The following RPS19BP1 variants were observed in gnomAD, a reference collection of about 807,000 sequenced individuals.
RPS19BP1 encodes the protein ribosomal protein S19 binding protein 1.
A neutral mutation model predicts 16.6 loss-of-function variants in RPS19BP1; 14 were observed. That is an observed-to-expected ratio of 0.84 (90% confidence interval 0.56 to 1.32). The LOEUF (loss-of-function observed/expected upper bound fraction) is 1.32. Among genes scored for constraint, RPS19BP1 ranks in the 40% most tolerant of loss-of-function variants. RPS19BP1 has a pLI of 0.00. For synonymous variants in RPS19BP1, 90 were observed against 77.3 expected, an observed-to-expected ratio of 1.16 and a Z score of -0.86; for missense variants, 188 against 178.6, an observed-to-expected ratio of 1.05 and a Z score of -0.30.
rs545106689 is a variant in RPS19BP1 at position 39,529,263 on chromosome 22, T to C, written c.*229A>G. On this transcript the variant is annotated 3_prime_UTR_variant, in exon 4 of 4. Transcript: ENST00000334678. ...GTTCCTTTCCGGCAGGTGCAGATGC[T>C]CTGCCCAGGCCTGCGGAAGCCAGCT... 1 of 592,226 alleles carries C rather than the reference T, an allele frequency of 1.7e-6. No individual in the cohort carries two copies. Among genetic ancestry groups the C allele is most frequent in the Non-Finnish European group, 2.9e-6 (1 of 340,020 alleles). 36.7% of individuals were successfully genotyped at this position (592,226 alleles called of 1,614,324 possible).
chr22:39,529,858 T>C lies in RPS19BP1; in HGVS notation c.241A>G (p.Arg81Gly). ...GACTCAGCCACGGTGCTTCTCGTCC[T>C]GGTCAGAAACTTCAGGTTTACTCTG... The part of the protein sequence containing the change: ...HLRVNLKFLT[R>G]TRSTVAESVS... Residue 81 changes from arginine to glycine, a missense_variant, in exon 3 of 4, where the codon AGG becomes GGG. Arg to Gly is a moderately radical substitution (Grantham distance 125, BLOSUM62 -2). Transcript: ENST00000334678. The C allele has an allele frequency of 6.2e-7, 1 of 1,614,204 alleles. No individual in the cohort carries two copies. The highest frequency in any genetic ancestry group is 8.5e-7 in the Non-Finnish European group (1 of 1,180,026).
At chr22:39,530,423 AAC>A (rs1196219404) in intron 2 of RPS19BP1, 2 of 222,872 alleles carry the variant, frequency 9.0e-6, no homozygotes, top group Non-Finnish European at 1.9e-5. Flanking sequence ...GTGTTTGAAA[AAC>A]ACAAAACAGC....
At position 39,529,843 on chromosome 22, in the gene RPS19BP1, C is replaced by T. The variant is rs773848665; in HGVS notation, c.256G>A (p.Val86Met). 3.1e-6 allele frequency: 5 copies of T among 1,614,170 alleles called. No homozygotes were observed. Among genetic ancestry groups the T allele is most frequent in the South Asian group, 1.1e-5 (1 of 91,086 alleles). The change falls in exon 3 of 4, where the codon GTG becomes ATG. Residue 86 changes from valine to methionine, a missense_variant. By Grantham distance (21) the Val-to-Met change is conservative. Transcript: ENST00000334678. ...LKFLTRTRST[V>M]AESVSQQILR... ...ACCTGCTGGCTCACAGACTCAGCCA[C>T]GGTGCTTCTCGTCCTGGTCAGAAAC...
chr22:39,529,288 T>C lies in RPS19BP1; in HGVS notation c.*204A>G. On this transcript the variant is annotated 3_prime_UTR_variant, in exon 4 of 4. Transcript: ENST00000334678. ...TCTGCCCAGGCCTGCGGAAGCCAGC[T>C]CCGGTCTGTGTGTAAATCCTCCCCA... 1 of 656,692 alleles carries C rather than the reference T, an allele frequency of 1.5e-6. No individual in the cohort carries two copies. The highest frequency in any genetic ancestry group is 2.6e-6 in the Non-Finnish European group (1 of 390,636). 40.7% of individuals were successfully genotyped at this position (656,692 alleles called of 1,614,324 possible).
Position 39,529,111 on chromosome 22 carries a change from T to C in RPS19BP1, c.*381A>G. On this transcript the variant is annotated 3_prime_UTR_variant, in exon 4 of 4. Transcript: ENST00000334678. Reference sequence around the variant, plus strand: ...ACACAGCTCTTGGGTTCACATTTATTGTAACTTGGAAGCCCACCCTTCTTC... The same window carrying C: ...ACACAGCTCTTGGGTTCACATTTATCGTAACTTGGAAGCCCACCCTTCTTC... 3.9e-6 allele frequency: 1 copy of C among 256,524 alleles called. No homozygotes were observed. The highest frequency in any genetic ancestry group is 3.8e-5 in the South Asian group (1 of 26,002). The allele number at this position is 256,524 out of a possible 1,614,324, so 15.9% of individuals were successfully genotyped here. A position where few individuals can be genotyped will look rare whatever the true frequency, so the allele number is the denominator to read the frequency against.
At chr22:39,531,418 G>GT (rs1405701825) in intron 2 of RPS19BP1, 1 of 152,144 alleles carries the variant, frequency 6.6e-6, no homozygotes, top group East Asian at 1.9e-4. Context: ...TTCAGACACA[G>GT]TAAGAGCTTG....
rs1931262061 is a variant in RPS19BP1, at chr22:39,529,911, T to C, written c.188A>G (p.Tyr63Cys). The change falls in exon 3 of 4, where the codon TAC (tyrosine) becomes TGC (cysteine). Residue 63 changes from tyrosine (Y) to cysteine (C), a missense_variant. Physicochemically the swap from Tyr to Cys is radical, Grantham distance 194. Coordinates refer to ENST00000334678, the MANE Select transcript of RPS19BP1 (RefSeq NM_194326.4). ...GKVPKSALDE[Y>C]RKRECRDHLR... ...GTGGTCTCGACACTCTCGCTTCCGG[T>C]ACTCGTCTGTGGGTAGCAGGCAGGG... 1.9e-6 allele frequency: 3 copies of C among 1,613,932 alleles called. No individual in the cohort carries two copies. The highest frequency in any genetic ancestry group is 2.2e-5 in the South Asian group (2 of 91,074).
In RPS19BP1 at chr22:39,529,376, G is replaced by T. The variant is rs2145770206; in HGVS notation, c.*116C>A. On this transcript the variant is annotated 3_prime_UTR_variant, in exon 4 of 4. Transcript: ENST00000334678. Reference sequence around the variant, plus strand: ...CGGCTCAGCTCCGCGGCTTCCTCGAGCCAGGCTGGTCCTGCATCGCCATCT... The same window carrying T: ...CGGCTCAGCTCCGCGGCTTCCTCGATCCAGGCTGGTCCTGCATCGCCATCT... 2 of 1,410,000 alleles carry T rather than the reference G, an allele frequency of 1.4e-6. No individual in the cohort carries two copies. The highest frequency in any genetic ancestry group is 1.9e-6 in the Non-Finnish European group (2 of 1,036,556). 87.3% of individuals were successfully genotyped at this position (1,410,000 alleles called of 1,614,324 possible). A position where few individuals can be genotyped will look rare whatever the true frequency, so the allele number is the denominator to read the frequency against.
At chr22:39,532,044 C>G in intron 2 of RPS19BP1, 1 of 285,064 alleles carries the variant, frequency 3.5e-6, no homozygotes, top group Non-Finnish European at 6.7e-6. Context: ...CACTCTTATA[C>G]ATCCTTCAGC....
At chr22:39,532,553 G>C (rs78842026) in intron 1 of RPS19BP1, 30 bp from the exon 2 acceptor site, 2 of 1,612,822 alleles carry the variant, frequency 1.2e-6, no homozygotes, top group South Asian at 2.2e-5. Flanking sequence ...AAGAGACCCA[G>C]GTCAGAGGGC....
Position 39,529,906 on chromosome 22 carries a change from T to G in RPS19BP1, c.193A>C (p.Lys65Gln). Residue 65 changes from lysine to glutamine, a missense_variant, in exon 3 of 4, where the codon AAG becomes CAG. Physicochemically the swap from Lys to Gln is moderately conservative, Grantham distance 53. Transcript: ENST00000334678. ...VPKSALDEYR[K>Q]RECRDHLRVN... ...CTGAGGTGGTCTCGACACTCTCGCT[T>G]CCGGTACTCGTCTGTGGGTAGCAGG... 6.2e-7 allele frequency: 1 copy of G among 1,614,134 alleles called. No homozygotes were observed. Among genetic ancestry groups the G allele is most frequent in the Non-Finnish European group, 8.5e-7 (1 of 1,179,964 alleles).
At chr22:39,531,136 G>A (rs1931301030) in intron 2 of RPS19BP1, 1 of 152,282 alleles carries the variant, frequency 6.6e-6, no homozygotes, top group African/African-American at 2.4e-5. Context: ...CACCAAGGCT[G>A]CGGACAAGCC....
Position 39,529,272 on chromosome 22 carries a change from G to T in RPS19BP1, c.*220C>A. 1 of 612,438 alleles carries T rather than the reference G, an allele frequency of 1.6e-6. No homozygotes were observed. The highest frequency in any genetic ancestry group is 2.8e-6 in the Non-Finnish European group (1 of 353,828). The allele number at this position is 612,438 out of a possible 1,614,324, so 37.9% of individuals were successfully genotyped here. A position where few individuals can be genotyped will look rare whatever the true frequency, so the allele number is the denominator to read the frequency against. On this transcript the variant is annotated 3_prime_UTR_variant, in exon 4 of 4. Transcript: ENST00000334678. ...CGGCAGGTGCAGATGCTCTGCCCAG[G>T]CCTGCGGAAGCCAGCTCCGGTCTGT... is the stretch of plus-strand genomic sequence containing the variant.
rs774918800 is a variant in RPS19BP1 at position 39,529,473 on chromosome 22, A to G, written c.*19T>C. ...GGCTGCAGGGCTTGAAGGCCTCTTC[A>G]CCGTGCCCTCCAGGGAGCCTAGCTG... On this transcript the variant is annotated 3_prime_UTR_variant, in exon 4 of 4. Transcript: ENST00000334678. 51 of 1,613,642 alleles carry G rather than the reference A, an allele frequency of 3.2e-5. No individual in the cohort carries two copies. Among genetic ancestry groups the G allele is most frequent in the Non-Finnish European group, 4.1e-5 (48 of 1,179,900 alleles).
chr22:39,529,938 G>A (rs1931262826), intron 2 of RPS19BP1, 21 bp from the exon 3 acceptor site: 2 of 1,598,196 alleles, frequency 1.3e-6, no homozygotes, highest in African/African-American at 1.3e-5. Flanking sequence ...CAGGCAGGGA[G>A]CACCATTTCA....
chr22:39,529,119 G>A lies in RPS19BP1; in HGVS notation c.*373C>T, dbSNP rs76009111. ...CTTGGGTTCACATTTATTGTAACTT[G>A]GAAGCCCACCCTTCTTCCTACTCCT... On this transcript the variant is annotated 3_prime_UTR_variant, in exon 4 of 4. Coordinates refer to ENST00000334678, the MANE Select transcript of RPS19BP1 (RefSeq NM_194326.4). The A allele has an allele frequency of 0.014, 3,734 of 261,604 alleles. 151 individuals are homozygous for A. Among genetic ancestry groups the A allele is most frequent in the African/African-American group, 0.081 (3,550 of 43,646 alleles). 16.2% of individuals were successfully genotyped at this position (261,604 alleles called of 1,614,324 possible).
chr22:39,529,918 C>T lies in RPS19BP1; in HGVS notation c.182-1G>A, dbSNP rs1355647916. Reference sequence around the variant, plus strand: ...CGACACTCTCGCTTCCGGTACTCGTCTGTGGGTAGCAGGCAGGGAGCACCA... The same window carrying T: ...CGACACTCTCGCTTCCGGTACTCGTTTGTGGGTAGCAGGCAGGGAGCACCA... On this transcript the variant is annotated splice_acceptor_variant, in intron 2 of 3. Coordinates refer to ENST00000334678, the MANE Select transcript of RPS19BP1 (RefSeq NM_194326.4). LOFTEE classifies it high-confidence loss of function. The T allele has an allele frequency of 1.7e-5, 27 of 1,613,358 alleles. No homozygotes were observed. Among genetic ancestry groups the T allele is most frequent in the Non-Finnish European group, 2.0e-5 (23 of 1,179,286 alleles).
At position 39,532,451 on chromosome 22, in the gene RPS19BP1, A is replaced by G. The variant is rs752874562; in HGVS notation, c.125T>C (p.Ile42Thr). 1 of 1,614,190 alleles carries G rather than the reference A, an allele frequency of 6.2e-7. No homozygotes were observed. Among genetic ancestry groups the G allele is most frequent in the East Asian group, 2.2e-5 (1 of 44,884 alleles). ...PVKRPRKTKA[I>T]QAQKLRNSAK... ...CGAGTTCCGCAGTTTCTGGGCCTGA[A>G]TTGCCTTCGTCTTCCGGGGCCGTTT... Residue 42 changes from isoleucine (I) to threonine (T), a missense_variant, in exon 2 of 4, where the codon ATT becomes ACT. Ile to Thr is a moderately conservative substitution (Grantham distance 89). Transcript: ENST00000334678.
At chr22:39,531,210 C>A (rs528287365) in intron 2 of RPS19BP1, 1 of 152,294 alleles carries the variant, frequency 6.6e-6, no homozygotes, top group Admixed American at 6.5e-5. Context: ...ACCCAGGACA[C>A]GACAGTGAGA....
Sources: allele counts gnomAD v4.1 joint callset, GRCh38; gene constraint gnomAD v4.1.1; transcripts MANE v1.5; gene names NCBI Gene and HGNC (gene_info 2026-07-23, HGNC 2026-07-21).